Variants in TUBGCP3 observed in about 807,000 individuals in gnomAD.
TUBGCP3 encodes gamma-tubulin complex component 3.
Under a neutral mutation model 123.1 loss-of-function variants are expected in TUBGCP3, and 50 were observed. That is an observed-to-expected ratio of 0.41 (90% CI 0.32 to 0.51). The LOEUF is 0.51. Ranked by LOEUF, TUBGCP3 falls within the 20% of genes least tolerant of loss-of-function variation. TUBGCP3 has a pLI of 0.36. For synonymous variants in TUBGCP3, 405 were observed against 413.9 expected (o/e 0.98, Z 0.26); for missense variants, 882 against 1,127.0 (o/e 0.78, Z 3.11).
chr13:112,534,476 G>A (rs568471978), intron 11 of TUBGCP3, among the ~76,000 whole-genome samples: 1 of 152,314 alleles, frequency 6.6e-6, no homozygotes, highest in Non-Finnish European at 1.5e-5. Flanking sequence ...GAACCCGGGA[G>A]GTGGAGCTTG....
At position 112,533,101 on chromosome 13, in the gene TUBGCP3, G is replaced by A. The variant is rs74758941; in HGVS notation, c.1336-5617C>T. On this transcript the variant is annotated intron_variant, in intron 11 of 21. Coordinates refer to ENST00000261965, the MANE Select transcript of TUBGCP3 (RefSeq NM_006322.6). ...CAAAGAGCTTCCAGGAAGGAAGACA[G>A]GAGAAAGCCTTCACACGTGGAATGA... 5.8e-3 allele frequency among the ~76,000 whole-genome samples: 890 copies of A among 152,358 alleles called. 9 individuals are homozygous for A. Among genetic ancestry groups the A allele is most frequent in the African/African-American group, 0.021 (855 of 41,584 alleles).
chr13:112,553,936 T>C (rs1879807274), intron 8 of TUBGCP3, 121 bp downstream of exon 8: 3 of 1,469,328 alleles, frequency 2.0e-6, no homozygotes, highest in Admixed American at 2.3e-5. Flanking sequence ...GAAAGTTGAC[T>C]CTCAAAGCTG....
intron 13 of TUBGCP3, among the ~76,000 whole-genome samples, chr13:112,525,187 T>C (rs1876947528): frequency 1.3e-5 from 2 of 152,234 alleles, no homozygotes; most frequent in South Asian, 2.1e-4. Flanking sequence ...CTACAATCTT[T>C]AGATAAGTCT....
intron 19 of TUBGCP3, among the ~76,000 whole-genome samples, chr13:112,501,474 A>AT (rs572682123): frequency 5.3e-5 from 8 of 152,202 alleles, no homozygotes; most frequent in Non-Finnish European, 1.2e-4. Flanking sequence ...AGTGGTACCA[A>AT]TTCACTCTGC....
chr13:112,577,111 A>G (rs1272893808), intron 1 of TUBGCP3, among the ~76,000 whole-genome samples: 1 of 152,234 alleles, frequency 6.6e-6, no homozygotes. Flanking sequence ...TTAAAAGATA[A>G]TAAGGGCTAA....
intron 20 of TUBGCP3, among the ~76,000 whole-genome samples, chr13:112,494,392 A>T (rs971551946): frequency 6.6e-6 from 1 of 152,196 alleles, no homozygotes; most frequent in African/African-American, 2.4e-5. Context: ...ATGCCTTTAA[A>T]ATTTTAACAT....
At chr13:112,565,455 C>T (rs1018699307) in intron 2 of TUBGCP3, among the ~76,000 whole-genome samples, 3 of 152,108 alleles carry the variant, frequency 2.0e-5, no homozygotes, top group African/African-American at 7.2e-5. Context: ...ACTTACAGTC[C>T]ATCTACAAAT....
At chr13:112,513,773 T>TA (rs1384825934) in intron 17 of TUBGCP3, among the ~76,000 whole-genome samples, 1 of 152,170 alleles carries the variant, frequency 6.6e-6, no homozygotes, top group Non-Finnish European at 1.5e-5. Context: ...GAAACACAGG[T>TA]AAAACAATTC....
intron 1 of TUBGCP3, 144 bp from the exon 2 acceptor site, chr13:112,569,403 T>C (rs564931149): frequency 7.1e-5 from 45 of 635,956 alleles, no homozygotes; most frequent in African/African-American, 6.9e-4. Flanking sequence ...AGAAAAGCTA[T>C]TAAGATATCA....
At chr13:112,547,890 AT>A in intron 9 of TUBGCP3, 138 bp from the exon 10 acceptor site, 4 of 1,137,634 alleles carry the variant, frequency 3.5e-6, no homozygotes, top group Non-Finnish European at 4.6e-6. Context: ...AAAAAATAGT[AT>A]TTTAAAGCTA....
At chr13:112,490,028 G>A (rs1237841820) in intron 20 of TUBGCP3, among the ~76,000 whole-genome samples, 2 of 152,028 alleles carry the variant, frequency 1.3e-5, no homozygotes, top group Non-Finnish European at 2.9e-5. Flanking sequence ...TGCTGTACAC[G>A]TTTTTATATA....
rs377692215 is a variant in TUBGCP3, at chr13:112,545,836, C to G, written c.1198G>C (p.Val400Leu). The change falls in exon 11 of 22, where the codon GTC (valine) becomes CTC (leucine). Residue 400 changes from valine to leucine, a missense_variant. This residue lies in a region of TUBGCP3 where 713 missense variants were observed against 874.0 expected (regional missense o/e 0.82). Coordinates refer to ENST00000261965, the MANE Select transcript of TUBGCP3 (RefSeq NM_006322.6). The surrounding 1 kb of genome is among the most constrained non-coding windows in gnomAD (Gnocchi z 4.1). ...TCTCCTGTTTTTGTGTAGGCGTGGA[C>G]AGCTGAGGCCAGCTCACCTCCTTTC... ...GRKGGELASAVHAYTKTGDPY... is the reference protein window; with the variant it reads ...GRKGGELASALHAYTKTGDPY... 16 of 1,613,104 alleles carry G rather than the reference C, an allele frequency of 9.9e-6. No homozygotes were observed. Among genetic ancestry groups the G allele is most frequent in the Non-Finnish European group, 9.3e-6 (11 of 1,179,256 alleles).
At chr13:112,565,310 G>C (rs1880870179) in intron 2 of TUBGCP3, 132 bp from the exon 3 acceptor site, 7 of 716,776 alleles carry the variant, frequency 9.8e-6, no homozygotes, top group Non-Finnish European at 1.6e-5. Flanking sequence ...CAAATTAGAT[G>C]ATGAGCAACT....
At chr13:112,559,278 G>T in intron 4 of TUBGCP3, 44 bp downstream of exon 4, 1 of 1,535,968 alleles carries the variant, frequency 6.5e-7, no homozygotes, top group Admixed American at 1.9e-5. Flanking sequence ...AAGTCAGCCA[G>T]GGTGTCCCGA....
chr13:112,557,358 C>A (rs1158671013), intron 5 of TUBGCP3, among the ~76,000 whole-genome samples: 1 of 152,210 alleles, frequency 6.6e-6, no homozygotes, highest in Non-Finnish European at 1.5e-5. Context: ...AACACACATT[C>A]TGTTTTCGAG....
In TUBGCP3 at chr13:112,489,883, A is replaced by G. The variant is rs60019370; in HGVS notation, c.2449-186T>C. 2.3e-3 allele frequency: 1,353 copies of G among 581,030 alleles called. 7 individuals carry two copies. The highest frequency in any genetic ancestry group is 0.023 in the African/African-American group (1,233 of 53,768). 36.0% of individuals were successfully genotyped at this position (581,030 alleles called of 1,614,324 possible). A position where few individuals can be genotyped will look rare whatever the true frequency, so the allele number is the denominator to read the frequency against. On this transcript the variant is annotated intron_variant, in intron 20 of 21. Transcript: ENST00000261965. ...TCCAGCTTACTTTTTCCAGTTAACA[A>G]TGTGTGTTGAAAATATTTCATATGA... is the stretch of plus-strand genomic sequence containing the variant.
chr13:112,582,304 G>A (rs1882324085), intron 1 of TUBGCP3, among the ~76,000 whole-genome samples: 1 of 152,168 alleles, frequency 6.6e-6, no homozygotes, highest in Admixed American at 6.5e-5. Flanking sequence ...AACACGTCAG[G>A]CCCTAACAAT....
At chr13:112,500,771 A>G (rs1594110017) in intron 19 of TUBGCP3, among the ~76,000 whole-genome samples, 1 of 152,246 alleles carries the variant, frequency 6.6e-6, no homozygotes, top group African/African-American at 2.4e-5. Flanking sequence ...CAGTTAATGA[A>G]GACATTTGCA....
chr13:112,592,692 A>G (rs1882902907), upstream of TUBGCP3, among the ~76,000 whole-genome samples: 1 of 152,206 alleles, frequency 6.6e-6, no homozygotes, highest in Admixed American at 6.5e-5. This position sits in a 1 kb window ranked among gnomAD's most constrained non-coding sequence, Gnocchi z 4.1. Context: ...TGGCAGAGGT[A>G]CCTAAGACAG....
Sources: gnomAD v4.1 joint callset for allele counts (sites outside exome capture counted in the v4.1 genomes callset) on GRCh38, gnomAD v4.1.1 for gene constraint, gnomAD v4.1.1 regional missense constraint, Gnocchi (gnomAD v3.1) non-coding constraint, MANE v1.5 for transcripts, NCBI Gene and HGNC (gene_info 2026-07-23, HGNC 2026-07-21) for gene names.